SUSD6: variants seen among roughly 807,000 people sequenced by gnomAD.
The protein encoded by SUSD6 is sushi domain-containing protein 6.
Under a neutral mutation model 28.4 loss-of-function variants are expected in SUSD6, and 16 were observed. The observed-to-expected ratio is 0.56, with a 90% CI of 0.38 to 0.86. The LOEUF is 0.86. Ranked by LOEUF, SUSD6 falls within the 40% of genes least tolerant of loss-of-function variation. The probability of loss-of-function intolerance (pLI) is 0.00; values close to 1 mark genes in which losing one functional copy is unlikely to be tolerated. For synonymous variants in SUSD6, 147 were observed against 159.6 expected (o/e 0.92, Z 0.59); for missense variants, 341 against 384.2 (o/e 0.89, Z 0.94).
intron 1 of SUSD6, among the ~76,000 whole-genome samples, chr14:69,654,790 G>GGTGTGTGTGTGTGTGTGTGTGTGTGT (rs34122510): frequency 6.1e-5 from 6 of 98,992 alleles, no homozygotes; most frequent in African/African-American, 2.0e-4. Flanking sequence ...TTTTTTTTTT[G>GGTGTGTGTGTGTGTGTGTGTGTGTGT]GTGTGTGTGT....
chr14:69,618,863 T>G (rs1309017774), intron 1 of SUSD6, among the ~76,000 whole-genome samples: 1 of 152,230 alleles, frequency 6.6e-6, no homozygotes, highest in Non-Finnish European at 1.5e-5. Context: ...TCCAGATGCT[T>G]CACTGTTGCT....
intron 2 of SUSD6, among the ~76,000 whole-genome samples, chr14:69,662,364 A>G (rs965126326): frequency 2.0e-5 from 3 of 152,190 alleles, no homozygotes; most frequent in African/African-American, 4.8e-5. Context: ...CACAGTTTTG[A>G]TCACAGTCTA....
intron 2 of SUSD6, among the ~76,000 whole-genome samples, chr14:69,682,983 T>G (rs1886020568): frequency 6.7e-6 from 1 of 148,514 alleles, no homozygotes; most frequent in Non-Finnish European, 1.5e-5. Flanking sequence ...ACTTGGGGAA[T>G]TTTTACTTTC....
chr14:69,656,389 C>G (rs1023363824), intron 1 of SUSD6, among the ~76,000 whole-genome samples: 32 of 152,148 alleles, frequency 2.1e-4, no homozygotes, highest in African/African-American at 7.7e-4. Flanking sequence ...TGGTTATTGC[C>G]TTGAGGGGAT....
chr14:69,695,638 T>C (rs1594721003), intron 2 of SUSD6, among the ~76,000 whole-genome samples: 1 of 152,200 alleles, frequency 6.6e-6, no homozygotes, highest in Non-Finnish European at 1.5e-5. Context: ...CCTCTGATAC[T>C]GCCCAGTGCT....
chr14:69,713,354 CT>C lies in SUSD6; in HGVS notation c.*2377del, dbSNP rs1174926147. 1 of 152,348 alleles carries C rather than the reference CT, an allele frequency of 6.6e-6. No homozygotes were observed. Among genetic ancestry groups the C allele is most frequent in the Non-Finnish European group, 1.5e-5 (1 of 68,142 alleles). The allele number at this position is 152,348 out of a possible 1,614,324, so 9.4% of individuals were successfully genotyped here. ...AGGAAGAAATTAGAACAATGGGAGC[CT>C]TGGCTCCCCTCTCGTCTCCTCCCCT... On this transcript the variant is annotated 3_prime_UTR_variant, in exon 6 of 6. Coordinates refer to ENST00000342745, the MANE Select transcript of SUSD6 (RefSeq NM_014734.4).
intron 1 of SUSD6, among the ~76,000 whole-genome samples, chr14:69,614,407 G>A (rs1039750782): frequency 7.9e-5 from 12 of 152,144 alleles, no homozygotes; most frequent in African/African-American, 2.9e-4. Flanking sequence ...TCTCAGTAGG[G>A]GATGTCCTCC....
chr14:69,659,833 A>G (rs1221224497), intron 2 of SUSD6, among the ~76,000 whole-genome samples: 2 of 152,042 alleles, frequency 1.3e-5, no homozygotes, highest in East Asian at 3.8e-4. Flanking sequence ...AACCTTTTTG[A>G]GTTTGTACAG....
chr14:69,646,034 G>A (rs1030346759), intron 1 of SUSD6, among the ~76,000 whole-genome samples: 2 of 152,196 alleles, frequency 1.3e-5, no homozygotes, highest in Non-Finnish European at 2.9e-5. Flanking sequence ...ACAAGCGTGA[G>A]CCACTGCGCC....
At chr14:69,649,103 C>T (rs1173585616) in intron 1 of SUSD6, among the ~76,000 whole-genome samples, 1 of 152,124 alleles carries the variant, frequency 6.6e-6, no homozygotes, top group East Asian at 1.9e-4. Flanking sequence ...TTTAAAAAAC[C>T]TTCTTTGGGG....
chr14:69,653,462 CTTCA>C (rs1885532614), intron 1 of SUSD6, among the ~76,000 whole-genome samples: 1 of 152,232 alleles, frequency 6.6e-6, no homozygotes, highest in Non-Finnish European at 1.5e-5. Flanking sequence ...GGCAGAGAGC[CTTCA>C]TGACCAGCTC....
At chr14:69,688,485 A>C (rs1886107435) in intron 2 of SUSD6, among the ~76,000 whole-genome samples, 1 of 152,222 alleles carries the variant, frequency 6.6e-6, no homozygotes, top group Non-Finnish European at 1.5e-5. Flanking sequence ...ACCTGGGAGC[A>C]GCTGCTTTCT....
chr14:69,669,062 C>CTTTTTT (rs58962166), intron 2 of SUSD6, among the ~76,000 whole-genome samples: 18 of 77,998 alleles, frequency 2.3e-4, no homozygotes, highest in East Asian at 3.5e-4. Flanking sequence ...CTTTTCTTTT[C>CTTTTTT]TTTTTTTTTT....
rs1884873867 is a variant in SUSD6, at chr14:69,611,641, C to T, written c.-268C>T. On this transcript the variant is annotated 5_prime_UTR_variant, in exon 1 of 6. Transcript: ENST00000342745. ...CGTCGCTACCGCCGCGTTCTATTCT[C>T]CGAAGCCGGCGACCGCCCCACCTCC... is the stretch of plus-strand genomic sequence containing the variant. The T allele has an allele frequency of 6.6e-6, 1 of 151,434 alleles. No individual in the cohort carries two copies. The highest frequency in any genetic ancestry group is 2.1e-4 in the South Asian group (1 of 4,826). 9.4% of individuals were successfully genotyped at this position (151,434 alleles called of 1,614,324 possible).
intron 1 of SUSD6, among the ~76,000 whole-genome samples, chr14:69,625,405 C>A (rs916032306): frequency 2.6e-5 from 4 of 152,182 alleles, no homozygotes; most frequent in Admixed American, 1.3e-4. Context: ...TAGTGGGTGA[C>A]TTGTCCTAAG....
At chr14:69,640,364 TA>T (rs1488112848) in intron 1 of SUSD6, among the ~76,000 whole-genome samples, 1 of 152,100 alleles carries the variant, frequency 6.6e-6, no homozygotes, top group Non-Finnish European at 1.5e-5. Context: ...GACAAGATCT[TA>T]CTCTGTTGCC....
chr14:69,641,052 A>G (rs1885344196), intron 1 of SUSD6, among the ~76,000 whole-genome samples: 1 of 152,216 alleles, frequency 6.6e-6, no homozygotes, highest in South Asian at 2.1e-4. Context: ...CAGTGCACAA[A>G]AAGCATTAGT....
Position 69,711,125 on chromosome 14 carries a change from T to G in SUSD6, c.*146T>G. The G allele has an allele frequency of 1.4e-6, 1 of 717,028 alleles. No homozygotes were observed. Among genetic ancestry groups the G allele is most frequent in the Non-Finnish European group, 2.4e-6 (1 of 414,662 alleles). 44.4% of individuals were successfully genotyped at this position (717,028 alleles called of 1,614,324 possible). A position where few individuals can be genotyped will look rare whatever the true frequency, so the allele number is the denominator to read the frequency against. ...TATCTGTGTATCTCTGAGGGCCCTA[T>G]AGGCCCACCTTGCTGGAAACTCAAG... On this transcript the variant is annotated 3_prime_UTR_variant, in exon 6 of 6. Coordinates refer to ENST00000342745, the MANE Select transcript of SUSD6 (RefSeq NM_014734.4).
At chr14:69,648,491 G>A (rs535568807) in intron 1 of SUSD6, among the ~76,000 whole-genome samples, 9 of 152,280 alleles carry the variant, frequency 5.9e-5, no homozygotes, top group Admixed American at 2.6e-4. Flanking sequence ...CAGTAAAATT[G>A]AATGAAATAG....
Sources: allele counts gnomAD v4.1 joint callset (sites outside exome capture counted in the v4.1 genomes callset), GRCh38; gene constraint gnomAD v4.1.1; transcripts MANE v1.5; gene names NCBI Gene and HGNC (gene_info 2026-07-23, HGNC 2026-07-21).